The following LCP2 variants were observed in gnomAD, a reference collection of about 807,000 sequenced individuals.
The protein encoded by LCP2 is 76 kDa tyrosine phosphoprotein.
LCP2 carries 29 observed loss-of-function variants against 74.5 expected under a neutral mutation model. The observed-to-expected ratio is 0.39, with a 90% CI of 0.29 to 0.53. The LOEUF (loss-of-function observed/expected upper bound fraction) is 0.53. Among genes scored for constraint, LCP2 ranks in the 20% least tolerant of loss-of-function variants. The probability of loss-of-function intolerance (pLI) is 0.72; values close to 1 mark genes in which losing one functional copy is unlikely to be tolerated. For missense variants in LCP2, 604 were observed against 634.6 expected, an observed-to-expected ratio of 0.95 and a Z score of 0.52; for synonymous variants, 228 against 229.5, an observed-to-expected ratio of 0.99 and a Z score of 0.06.
intron 7 of LCP2, among the ~76,000 whole-genome samples, chr5:170,269,104 CCA>C (rs1581065070): frequency 6.6e-6 from 1 of 152,290 alleles, no homozygotes; most frequent in East Asian, 1.9e-4. Context: ...TCATCTCTTC[CCA>C]TAAAGGGAGG....
chr5:170,246,760 C>T lies in LCP2; in HGVS notation c.*1937G>A, dbSNP rs1052538652. Reference sequence around the variant, plus strand: ...CTTTAGTAAGATGTTTATCACTGAGCAGGGTTCTGAGCAACTGTGACTGAT... The same window carrying T: ...CTTTAGTAAGATGTTTATCACTGAGTAGGGTTCTGAGCAACTGTGACTGAT... On this transcript the variant is annotated 3_prime_UTR_variant, in exon 21 of 21. Coordinates refer to ENST00000046794, the MANE Select transcript of LCP2 (RefSeq NM_005565.5). The T allele has an allele frequency of 1.1e-4, 16 of 152,304 alleles. No homozygotes were observed. Among genetic ancestry groups the T allele is most frequent in the African/African-American group, 3.9e-4 (16 of 41,448 alleles). 9.4% of individuals were successfully genotyped at this position (152,304 alleles called of 1,614,324 possible). A position where few individuals can be genotyped will look rare whatever the true frequency, so the allele number is the denominator to read the frequency against.
rs192030729 is a variant in LCP2 at position 170,262,534 on chromosome 5, G to A, written c.926+101C>T. On this transcript the variant is annotated intron_variant, in intron 13 of 20. Transcript: ENST00000046794. ...CAGCAAGAAAAGGCCCACCCTGCCC[G>A]GGAGCACCGAGGAGCCTCGGTTCCC... The A allele has an allele frequency of 6.9e-3, 5,593 of 806,004 alleles. 56 individuals carry two copies. Among genetic ancestry groups the A allele is most frequent in the South Asian group, 0.026 (1,486 of 57,246 alleles). 49.9% of individuals were successfully genotyped at this position (806,004 alleles called of 1,614,324 possible).
intron 1 of LCP2, among the ~76,000 whole-genome samples, chr5:170,294,961 C>T (rs1432756917): frequency 6.6e-6 from 1 of 152,212 alleles, no homozygotes; most frequent in Non-Finnish European, 1.5e-5. Flanking sequence ...TTTTAAGGAG[C>T]ACCCTAGACG....
intron 3 of LCP2, among the ~76,000 whole-genome samples, chr5:170,281,468 A>G (rs111699282): frequency 0.14 from 21,825 of 152,082 alleles, 1,760 homozygotes; most frequent in South Asian, 0.19. Flanking sequence ...TTTTAGTAGA[A>G]ACAGCGTTTC....
In LCP2 at chr5:170,252,514, GA is replaced by G. The variant is rs767137025; in HGVS notation, c.1246-4del. 2.7e-6 allele frequency: 4 copies of G among 1,489,976 alleles called. No homozygotes were observed. Among genetic ancestry groups the G allele is most frequent in the Admixed American group, 1.8e-5 (1 of 55,112 alleles). The allele number at this position is 1,489,976 out of a possible 1,614,324, so 92.3% of individuals were successfully genotyped here. A position where few individuals can be genotyped will look rare whatever the true frequency, so the allele number is the denominator to read the frequency against. On this transcript the variant is annotated splice_region_variant and splice_polypyrimidine_tract_variant and intron_variant, in intron 18 of 20. Coordinates refer to ENST00000046794, the MANE Select transcript of LCP2 (RefSeq NM_005565.5). ...TACCACTCTTCATTTAATGAATTCT[GA>G]AAATGTAAATTTTTAGAAACTGAAT...
intron 1 of LCP2, among the ~76,000 whole-genome samples, chr5:170,296,340 C>T (rs1206520877): frequency 2.0e-5 from 3 of 152,166 alleles, no homozygotes; most frequent in African/African-American, 7.2e-5. Flanking sequence ...CCCTACCATA[C>T]CACACCTAGT....
intron 20 of LCP2, among the ~76,000 whole-genome samples, chr5:170,250,426 A>G (rs1487688667): frequency 2.0e-5 from 3 of 152,248 alleles, no homozygotes; most frequent in Non-Finnish European, 2.9e-5. Flanking sequence ...GAGGTGAATA[A>G]TAGTGGGAAC....
Position 170,287,971 on chromosome 5 carries a change from G to A in LCP2, c.187C>T (p.Pro63Ser). 1 of 1,613,768 alleles carries A rather than the reference G, an allele frequency of 6.2e-7. No individual in the cohort carries two copies. The highest frequency in any genetic ancestry group is 8.5e-7 in the Non-Finnish European group (1 of 1,179,704). ...DIQKFPKLRV[P>S]ILSKLSQEIN... ...CCATAGAGTTGGAGGAGTACTTACG[G>A]CACCCGGAGCTTGGGGAACTTCTGG... The change falls in exon 3 of 21, where the codon CCG becomes TCG. Residue 63 changes from proline (P) to serine (S), a missense_variant and splice_region_variant. Physicochemically the swap from Pro to Ser is moderately conservative, Grantham distance 74. Transcript: ENST00000046794.
Position 170,246,255 on chromosome 5 carries a change from A to T in LCP2, c.*2442T>A. The T allele has an allele frequency of 1.4e-6, 1 of 705,588 alleles. No individual in the cohort carries two copies. Among genetic ancestry groups the T allele is most frequent in the Non-Finnish European group, 2.2e-6 (1 of 458,182 alleles). The allele number at this position is 705,588 out of a possible 1,614,324, so 43.7% of individuals were successfully genotyped here. A position where few individuals can be genotyped will look rare whatever the true frequency, so the allele number is the denominator to read the frequency against. On this transcript the variant is annotated 3_prime_UTR_variant, in exon 21 of 21. Transcript: ENST00000046794. ...CAGTTCATGTTCTTGAAGGCTGTTT[A>T]ATGTTTTGAAGAATGGCTTAACTTA...
intron 8 of LCP2, 181 bp from the exon 9 acceptor site, chr5:170,267,256 CT>C: frequency 1.6e-6 from 1 of 624,472 alleles, no homozygotes; most frequent in Non-Finnish European, 2.8e-6. Context: ...GTTCTAGACT[CT>C]GCCACGCAAG....
intron 1 of LCP2, among the ~76,000 whole-genome samples, chr5:170,294,625 T>TA (rs1762341550): frequency 2.6e-5 from 4 of 152,220 alleles, no homozygotes; most frequent in Admixed American, 2.6e-4. Flanking sequence ...ATCCAAAGAA[T>TA]AAATACAATT....
At position 170,267,407 on chromosome 5, in the gene LCP2, G is replaced by A. The variant is rs1473973764; in HGVS notation, c.622-332C>T. On this transcript the variant is annotated intron_variant, in intron 8 of 20. Transcript: ENST00000046794. ...ATGTCTGCCCTCTCAACTCTTTCCTGTGATCCCTTCTCAGTACTCATGGGG... is the reference window on the plus strand; with the variant it reads ...ATGTCTGCCCTCTCAACTCTTTCCTATGATCCCTTCTCAGTACTCATGGGG... 8 of 409,912 alleles carry A rather than the reference G, an allele frequency of 2.0e-5. No homozygotes were observed. The East Asian group carries it at 3.9e-4, about 20-fold the overall frequency. The allele number at this position is 409,912 out of a possible 1,614,324, so 25.4% of individuals were successfully genotyped here.
chr5:170,258,197 T>C, intron 15 of LCP2, 31 bp from the exon 16 acceptor site: 1 of 1,609,980 alleles, frequency 6.2e-7, no homozygotes, highest in Non-Finnish European at 8.5e-7. Context: ...ATGAATGAGA[T>C]TGGCAGGCCC....
intron 4 of LCP2, 84 bp from the exon 5 acceptor site, chr5:170,275,435 G>T: frequency 1.3e-6 from 2 of 1,485,270 alleles, no homozygotes; most frequent in Admixed American, 1.7e-5. Flanking sequence ...CAGCGAGAGG[G>T]AGTCCCCAGT....
At chr5:170,268,874 C>T (rs370299245) in intron 7 of LCP2, among the ~76,000 whole-genome samples, 65 of 151,994 alleles carry the variant, frequency 4.3e-4, no homozygotes, top group African/African-American at 1.5e-3. Flanking sequence ...CACATGTGCA[C>T]ACATGCATGC....
chr5:170,287,944 A>G, intron 3 of LCP2, 26 bp downstream of exon 3: 2 of 1,607,122 alleles, frequency 1.2e-6, no homozygotes, highest in Non-Finnish European at 1.7e-6. Flanking sequence ...CTCCCAGATC[A>G]CCCATAGAGT....
intron 2 of LCP2, among the ~76,000 whole-genome samples, chr5:170,289,724 TTTCC>T (rs1762255102): frequency 6.8e-6 from 1 of 146,488 alleles, no homozygotes; most frequent in East Asian, 2.0e-4. Flanking sequence ...TTTCCTTTCC[TTTCC>T]TTTCCTGTCT....
intron 2 of LCP2, among the ~76,000 whole-genome samples, chr5:170,291,815 A>G (rs948415205): frequency 7.2e-5 from 11 of 152,364 alleles, no homozygotes; most frequent in Admixed American, 5.9e-4. Flanking sequence ...TTCAACTGTG[A>G]TAAGTCTCTG....
intron 3 of LCP2, among the ~76,000 whole-genome samples, chr5:170,282,286 C>T (rs1374440949): frequency 6.6e-6 from 1 of 152,156 alleles, no homozygotes; most frequent in Non-Finnish European, 1.5e-5. Context: ...TTTCCAAAGG[C>T]CTTTGGGGTA....
Sources: allele counts gnomAD v4.1 joint callset (sites outside exome capture counted in the v4.1 genomes callset), GRCh38; gene constraint gnomAD v4.1.1; transcripts MANE v1.5; gene names NCBI Gene and HGNC (gene_info 2026-07-23, HGNC 2026-07-21).